Variants in MAN2B2 observed in about 807,000 individuals in gnomAD.
MAN2B2 encodes mannosidase alpha class 2B member 2, also known as epididymis-specific alpha-mannosidase.
Under a neutral mutation model 117.1 loss-of-function variants are expected in MAN2B2, and 106 were observed. That is an observed-to-expected ratio of 0.90 (90% CI 0.77 to 1.06). The LOEUF (loss-of-function observed/expected upper bound fraction) is 1.06. MAN2B2 is among the 50% of genes least tolerant of loss of function. The pLI, the probability that MAN2B2 is intolerant of heterozygous loss-of-function variation, is 0.00. For missense variants in MAN2B2, 1,326 were observed against 1,381.4 expected (o/e 0.96, Z 0.64); for synonymous variants, 544 against 595.1 (o/e 0.91, Z 1.25).
In MAN2B2 at chr4:6,610,947, A is replaced by G; in HGVS notation, c.2327A>G (p.Glu776Gly). Reference protein sequence around the residue: ...DGKSRLVLLSERAHGISSQGN... With the variant: ...DGKSRLVLLSGRAHGISSQGN... The stretch of plus-strand genomic sequence containing the variant: ...AAAAGCAGGCTTGTGTTGCTGTCGG[A>G]GCGGGCACATGGCATCTCCAGCCAA... The change falls in exon 14 of 19, where the codon GAG (glutamate) becomes GGG (glycine). Residue 776 changes from glutamate to glycine, a missense_variant. By Grantham distance (98) the Glu-to-Gly change is moderately conservative. Coordinates refer to ENST00000285599, the MANE Select transcript of MAN2B2 (RefSeq NM_015274.3). The G allele has an allele frequency of 1.2e-6, 2 of 1,614,148 alleles. No homozygotes were observed. Among genetic ancestry groups the G allele is most frequent in the Non-Finnish European group, 1.7e-6 (2 of 1,180,008 alleles).
chr4:6,594,854 G>A (rs1727015310), intron 7 of MAN2B2, 122 bp downstream of exon 7: 1 of 1,044,516 alleles, frequency 9.6e-7, no homozygotes, highest in African/African-American at 1.6e-5. Flanking sequence ...GTTCCAGGCA[G>A]GTTCTGTGTG....
At chr4:6,602,493 T>C (rs867098753) in intron 10 of MAN2B2, among the ~76,000 whole-genome samples, 6 of 151,756 alleles carry the variant, frequency 4.0e-5, no homozygotes, top group African/African-American at 1.5e-4. Context: ...CCTAATCACC[T>C]CCCCAAGGCC....
chr4:6,617,940 C>A (rs1395959024), intron 17 of MAN2B2: 1 of 175,294 alleles, frequency 5.7e-6, no homozygotes, highest in Non-Finnish European at 1.2e-5. Context: ...CTCCATCTCC[C>A]AGGTTCAAGT....
chr4:6,615,213 T>C (rs1038636782), intron 16 of MAN2B2, among the ~76,000 whole-genome samples: 7 of 152,080 alleles, frequency 4.6e-5, no homozygotes, highest in African/African-American at 1.2e-4. Flanking sequence ...CTGGGCAGCA[T>C]AGGAAGATCC....
intron 3 of MAN2B2, among the ~76,000 whole-genome samples, chr4:6,579,069 TCACCAC>T (rs1268202029): frequency 1.4e-4 from 6 of 42,364 alleles, no homozygotes; most frequent in African/African-American, 2.3e-4. Context: ...ACCATCACCA[TCACCAC>T]CACCACCACC....
rs1727140435 is a variant in MAN2B2 at position 6,597,267 on chromosome 4, G to A, written c.1212G>A (p.Leu404=). 16 of 1,577,830 alleles carry A rather than the reference G, an allele frequency of 1.0e-5. No homozygotes were observed. The highest frequency in any genetic ancestry group is 1.4e-5 in the Non-Finnish European group (16 of 1,161,564). The change falls in exon 8 of 19, where the codon CTG becomes CTA. Residue 404 remains leucine (L), a synonymous_variant. Coordinates refer to ENST00000285599, the MANE Select transcript of MAN2B2 (RefSeq NM_015274.3). Reference sequence around the variant, plus strand: ...GGCATCTGGACCCCACCTGGGCCCTGCAGCAGCTCCAGCAGCTTCGCTGGG... The same window carrying A: ...GGCATCTGGACCCCACCTGGGCCCTACAGCAGCTCCAGCAGCTTCGCTGGG... ...PRGHLDPTWA[L]QQLQQLRWAV...
chr4:6,618,074 C>A (rs1577298693), intron 17 of MAN2B2: 1 of 153,530 alleles, frequency 6.5e-6, no homozygotes, highest in Non-Finnish European at 1.4e-5. Context: ...GGTCACGAAC[C>A]CCTGACTTCA....
intron 3 of MAN2B2, among the ~76,000 whole-genome samples, chr4:6,579,318 A>C (rs1433187425): frequency 9.1e-6 from 1 of 110,428 alleles, no homozygotes; most frequent in Non-Finnish European, 1.9e-5. Context: ...CACCACCACC[A>C]TCACCACCAC....
intron 11 of MAN2B2, among the ~76,000 whole-genome samples, chr4:6,608,478 C>T (rs1247597925): frequency 6.6e-6 from 1 of 152,230 alleles, no homozygotes; most frequent in Non-Finnish European, 1.5e-5. Context: ...ACTTGACCCC[C>T]TCCTGCTCTT....
At chr4:6,607,557 G>A (rs978330194) in intron 11 of MAN2B2, among the ~76,000 whole-genome samples, 1 of 152,218 alleles carries the variant, frequency 6.6e-6, no homozygotes, top group African/African-American at 2.4e-5. Context: ...GCACGTATCA[G>A]TACTTCGTTC....
chr4:6,588,287 G>A (rs1261570966), intron 4 of MAN2B2, among the ~76,000 whole-genome samples: 1 of 152,172 alleles, frequency 6.6e-6, no homozygotes, highest in Non-Finnish European at 1.5e-5. Context: ...GCTTGTGGAT[G>A]CCCCGCTTCT....
chr4:6,579,298 CCAT>C (rs1726298072), intron 3 of MAN2B2, among the ~76,000 whole-genome samples: 5 of 96,312 alleles, frequency 5.2e-5, no homozygotes, highest in Non-Finnish European at 9.3e-5. Context: ...ATCACCACCA[CCAT>C]CACCACCACC....
At chr4:6,612,819 A>G (rs1022381628) in intron 15 of MAN2B2, among the ~76,000 whole-genome samples, 2 of 152,206 alleles carry the variant, frequency 1.3e-5, no homozygotes, top group African/African-American at 4.8e-5. Flanking sequence ...CGGAAACCCA[A>G]CTTGAACTAG....
rs1354434843 is a variant in MAN2B2 at position 6,576,609 on chromosome 4, A to G, written c.170A>G (p.Tyr57Cys). The G allele has an allele frequency of 1.9e-6, 3 of 1,613,758 alleles. No homozygotes were observed. The highest frequency in any genetic ancestry group is 2.2e-5 in the East Asian group (1 of 44,878). The change falls in exon 2 of 19, where the codon TAC (tyrosine) becomes TGC (cysteine). Residue 57 changes from tyrosine to cysteine, a missense_variant. Tyr to Cys is a radical substitution (Grantham distance 194, BLOSUM62 -2). Transcript: ENST00000285599. ...ESMRAYAANV[Y>C]TSVVEELARG... is the part of the protein sequence containing the mutation. ...ATGCGGGCGTACGCCGCCAATGTCT[A>G]CACCTCAGTGGTGGAAGAGCTGGCC...
intron 16 of MAN2B2, among the ~76,000 whole-genome samples, chr4:6,615,147 G>C (rs1711803138): frequency 6.6e-6 from 1 of 152,252 alleles, no homozygotes. Flanking sequence ...TGGAATCCCA[G>C]CACTTAGGGG....
intron 11 of MAN2B2, among the ~76,000 whole-genome samples, chr4:6,608,709 G>C (rs1727640578): frequency 6.6e-6 from 1 of 152,184 alleles, no homozygotes; most frequent in Non-Finnish European, 1.5e-5. Context: ...GTCAGTGAAG[G>C]CTCTGGCCCA....
chr4:6,579,535 ACTG>A (rs1422265618), intron 3 of MAN2B2, among the ~76,000 whole-genome samples: 3 of 147,072 alleles, frequency 2.0e-5, no homozygotes, highest in Non-Finnish European at 4.5e-5. Flanking sequence ...ACCCTTCACC[ACTG>A]CTATGACCAC....
intron 15 of MAN2B2, among the ~76,000 whole-genome samples, chr4:6,613,762 A>C (rs1217682588): frequency 1.5e-5 from 2 of 132,700 alleles, no homozygotes; most frequent in East Asian, 5.6e-4. Context: ...GGAAAAGAAA[A>C]GAAGAGAGGG....
Position 6,594,503 on chromosome 4 carries a change from G to A in MAN2B2, c.859-31G>A, listed in dbSNP as rs139456580. 2,107 of 1,607,218 alleles carry A rather than the reference G, an allele frequency of 1.3e-3. 5 individuals are homozygous for A. The highest frequency in any genetic ancestry group is 7.7e-3 in the African/African-American group (578 of 75,010). The stretch of plus-strand genomic sequence containing the variant: ...CACTGGGCGAGCGCCCTGCTCCCAC[G>A]GCACAGGATGTTGCTCCCATGTCCC... On this transcript the variant is annotated intron_variant, in intron 6 of 18. Coordinates refer to ENST00000285599, the MANE Select transcript of MAN2B2 (RefSeq NM_015274.3).
Sources: gnomAD v4.1 joint callset for allele counts (sites outside exome capture counted in the v4.1 genomes callset) on GRCh38, gnomAD v4.1.1 for gene constraint, MANE v1.5 for transcripts, NCBI Gene and HGNC (gene_info 2026-07-23, HGNC 2026-07-21) for gene names.